Variants in CLNK observed in about 807,000 individuals in gnomAD.
CLNK encodes cytokine dependent hematopoietic cell linker.
Under a neutral mutation model 68.6 loss-of-function variants are expected in CLNK, and 74 were observed. The observed-to-expected ratio is 1.08, with a 90% CI of 0.89 to 1.31. CLNK has a LOEUF of 1.31. CLNK is among the 50% of genes most tolerant of loss of function. The probability of loss-of-function intolerance (pLI) is 0.00; values close to 1 mark genes in which losing one functional copy is unlikely to be tolerated. For missense variants in CLNK, 553 were observed against 515.3 expected (o/e 1.07, Z -0.71); for synonymous variants, 198 against 172.2 (o/e 1.15, Z -1.17).
intron 2 of CLNK, among the ~76,000 whole-genome samples, chr4:10,604,197 C>T (rs2531185): frequency 0.36 from 54,747 of 152,002 alleles, 10,884 homozygotes; most frequent in Non-Finnish European, 0.46. Context: ...CCCCAAATGA[C>T]GAAAGAATAT....
intron 8 of CLNK, among the ~76,000 whole-genome samples, chr4:10,556,503 G>A (rs761438524): frequency 1.3e-5 from 2 of 152,152 alleles, no homozygotes; most frequent in Non-Finnish European, 2.9e-5. Context: ...AATAATGGTC[G>A]AAGAAATTTC....
At chr4:10,643,306 A>G (rs1277317561) in intron 2 of CLNK, among the ~76,000 whole-genome samples, 1 of 152,240 alleles carries the variant, frequency 6.6e-6, no homozygotes, top group African/African-American at 2.4e-5. Context: ...TCTAGCAATA[A>G]TCAATTAACA....
intron 7 of CLNK, 112 bp from the exon 8 acceptor site, chr4:10,558,564 G>T (rs1560215801): frequency 1.4e-5 from 13 of 960,546 alleles, no homozygotes; most frequent in Non-Finnish European, 2.1e-5. Flanking sequence ...AAGTCCCTGG[G>T]CTCTCTGGTT....
At chr4:10,565,915 G>A (rs566842414) in intron 6 of CLNK, 94 bp downstream of exon 6, 1 of 1,357,404 alleles carries the variant, frequency 7.4e-7, no homozygotes, top group East Asian at 2.5e-5. Flanking sequence ...GTTAACCTAG[G>A]GTTGTTTAAT....
chr4:10,585,337 C>G (rs1253769199), intron 3 of CLNK, among the ~76,000 whole-genome samples: 1 of 152,192 alleles, frequency 6.6e-6, no homozygotes, highest in Non-Finnish European at 1.5e-5. Flanking sequence ...AAAGGTTTCT[C>G]TATACATCAT....
intron 16 of CLNK, among the ~76,000 whole-genome samples, chr4:10,511,864 G>T: frequency 6.6e-6 from 1 of 152,048 alleles, no homozygotes. Context: ...ATTCTTTTGG[G>T]CATAGACTAA....
At chr4:10,541,879 G>GT (rs11343328) in intron 10 of CLNK, 143 bp downstream of exon 10, 74,119 of 489,190 alleles carry the variant, frequency 0.15, no homozygotes, top group Non-Finnish European at 0.18. Context: ...TCTCATATTA[G>GT]TTTTTTTTTT....
intron 8 of CLNK, among the ~76,000 whole-genome samples, chr4:10,553,513 G>A (rs959264061): frequency 1.6e-4 from 24 of 151,598 alleles, no homozygotes; most frequent in Admixed American, 1.2e-3. Flanking sequence ...GTGCAGTGGC[G>A]CAATCTTGGC....
intron 2 of CLNK, among the ~76,000 whole-genome samples, chr4:10,631,018 C>G (rs1042037055): frequency 6.9e-6 from 1 of 144,566 alleles, no homozygotes; most frequent in East Asian, 1.9e-4. Flanking sequence ...TGACTTTTTG[C>G]CACAGACCAA....
chr4:10,721,485 T>C, the CLNK span, among the ~76,000 whole-genome samples: 1 of 152,208 alleles, frequency 6.6e-6, no homozygotes, highest in Non-Finnish European at 1.5e-5. Context: ...CTGAGTCATG[T>C]TGTAGTGGAA....
chr4:10,617,533 C>T (rs1412989716), intron 2 of CLNK, among the ~76,000 whole-genome samples: 1 of 152,154 alleles, frequency 6.6e-6, no homozygotes, highest in Non-Finnish European at 1.5e-5. Context: ...ATTTTCTGTA[C>T]TAGACACTTG....
In CLNK at chr4:10,684,588, C is replaced by G. The variant is rs201586671; in HGVS notation, c.-43+80G>C. ...TAGAAACACATTTTTACTTGCTGCT[C>G]AGGTCTTTCCTGATGATCATTTATG... On this transcript the variant is annotated intron_variant, in intron 1 of 18. Coordinates refer to ENST00000226951, the MANE Select transcript of CLNK (RefSeq NM_052964.4). 29 of 152,246 alleles carry G rather than the reference C, an allele frequency of 1.9e-4. No individual in the cohort carries two copies. In the East Asian group the frequency reaches 4.8e-3, roughly 25 times the overall value. 9.4% of individuals were successfully genotyped at this position (152,246 alleles called of 1,614,324 possible).
the CLNK span, among the ~76,000 whole-genome samples, chr4:10,699,512 A>ATATTTTT: frequency 9.5e-4 from 31 of 32,720 alleles, 2 homozygotes; most frequent in Non-Finnish European, 1.3e-3. Flanking sequence ...ATATATATAT[A>ATATTTTT]TTTTTTTTTT....
chr4:10,629,870 C>A (rs1048293576), intron 2 of CLNK, among the ~76,000 whole-genome samples: 2 of 151,884 alleles, frequency 1.3e-5, no homozygotes, highest in East Asian at 1.9e-4. Flanking sequence ...AAAATTAGAA[C>A]CTCTCCAAAT....
At chr4:10,637,849 G>T (rs930973546) in intron 2 of CLNK, among the ~76,000 whole-genome samples, 9 of 150,916 alleles carry the variant, frequency 6.0e-5, no homozygotes, top group Non-Finnish European at 8.8e-5. Flanking sequence ...TGATTCACCC[G>T]CCTCAGCCTC....
intron 8 of CLNK, among the ~76,000 whole-genome samples, chr4:10,553,694 T>G (rs1393312556): frequency 2.0e-5 from 3 of 152,200 alleles, no homozygotes; most frequent in Non-Finnish European, 2.9e-5. Context: ...CCTCACGTGA[T>G]CCGCCTGCCT....
chr4:10,502,604 A>G (rs1320425024), intron 17 of CLNK, among the ~76,000 whole-genome samples: 1 of 151,592 alleles, frequency 6.6e-6, no homozygotes, highest in Non-Finnish European at 1.5e-5. Flanking sequence ...ATTATTCTAG[A>G]GATAGTGGGA....
At position 10,501,421 on chromosome 4, in the gene CLNK, A is replaced by G; in HGVS notation, c.985-10T>C. 6.2e-7 allele frequency: 1 copy of G among 1,606,342 alleles called. No individual in the cohort carries two copies. Among genetic ancestry groups the G allele is most frequent in the Non-Finnish European group, 8.5e-7 (1 of 1,177,476 alleles). ...CCAAGAAACTACCATCCTGAAGCAA[A>G]AAGAGTAACAGTCATCTTTTCAGAC... On this transcript the variant is annotated splice_polypyrimidine_tract_variant and intron_variant, in intron 17 of 18. Transcript: ENST00000226951.
chr4:10,681,522 A>G (rs4543106), intron 1 of CLNK, among the ~76,000 whole-genome samples: 6,194 of 152,324 alleles, frequency 0.041, 188 homozygotes, highest in Middle Eastern at 0.1. Context: ...GGCTCATCTT[A>G]GTTCAAATGA....
Sources: allele counts gnomAD v4.1 joint callset (sites outside exome capture counted in the v4.1 genomes callset), GRCh38; gene constraint gnomAD v4.1.1; transcripts MANE v1.5; gene names NCBI Gene and HGNC (gene_info 2026-07-23, HGNC 2026-07-21).